Variants in MDM4 observed in about 807,000 individuals in gnomAD.
MDM4 encodes the protein protein Mdm4.
Under a neutral mutation model 60.2 loss-of-function variants are expected in MDM4, and 2 were observed. The ratio of observed to expected loss-of-function variants is 0.03; its 90% confidence interval spans 0.01 to 0.10. The LOEUF is 0.10. Among genes scored for constraint, MDM4 ranks in the 10% least tolerant of loss-of-function variants. The pLI is 1.00. For synonymous variants in MDM4, 202 were observed against 198.1 expected, an observed-to-expected ratio of 1.02 and a Z score of -0.17; for missense variants, 447 against 577.5, an observed-to-expected ratio of 0.77 and a Z score of 2.32.
intron 6 of MDM4, chr1:204,537,803 G>A (rs896991067): frequency 3.2e-6 from 2 of 615,768 alleles, no homozygotes; most frequent in Non-Finnish European, 6.1e-6. Flanking sequence ...GATTTTAATA[G>A]GCGTGTTGCA....
intron 3 of MDM4, among the ~76,000 whole-genome samples, chr1:204,529,913 G>C (rs1455028303): frequency 1.3e-5 from 2 of 152,132 alleles, no homozygotes; most frequent in East Asian, 3.8e-4. Context: ...GTCTTACTCT[G>C]TCACCCATGC....
intron 7 of MDM4, among the ~76,000 whole-genome samples, chr1:204,540,207 C>T (rs1426685441): frequency 1.3e-5 from 2 of 151,654 alleles, no homozygotes; most frequent in Admixed American, 1.3e-4. Flanking sequence ...ATTGCGTGAA[C>T]CCAGGAGGTG....
intron 10 of MDM4, among the ~76,000 whole-genome samples, chr1:204,548,318 C>G (rs997737281): frequency 6.6e-6 from 1 of 152,186 alleles, no homozygotes; most frequent in East Asian, 1.9e-4. Flanking sequence ...ATGGTTGTGC[C>G]CTTGCCTCAG....
At chr1:204,517,339 C>T (rs1659088660) in intron 1 of MDM4, among the ~76,000 whole-genome samples, 2 of 152,002 alleles carry the variant, frequency 1.3e-5, no homozygotes, top group African/African-American at 4.8e-5. Context: ...AATGAGCACA[C>T]CTCCCAGTGA....
intron 8 of MDM4, among the ~76,000 whole-genome samples, chr1:204,543,370 G>A (rs1210354810): frequency 1.3e-5 from 2 of 152,152 alleles, no homozygotes; most frequent in African/African-American, 2.4e-5. Flanking sequence ...GCGTGGTGGC[G>A]TGCGCCTGTT....
rs1456057367 is a variant in MDM4, at chr1:204,538,314, T to C, written c.511+6T>C. 1 of 1,487,448 alleles carries C rather than the reference T, an allele frequency of 6.7e-7. No homozygotes were observed. Among genetic ancestry groups the C allele is most frequent in the Non-Finnish European group, 9.4e-7 (1 of 1,065,580 alleles). 92.1% of individuals were successfully genotyped at this position (1,487,448 alleles called of 1,614,324 possible). On this transcript the variant is annotated splice_donor_region_variant and intron_variant, in intron 7 of 10. Coordinates refer to ENST00000367182, the MANE Select transcript of MDM4 (RefSeq NM_002393.5). ...ATGCATACATTCTAGAGAAGGTATGTTTTGGATTAAGGCTATATAGACTTT... is the reference window on the plus strand; with the variant it reads ...ATGCATACATTCTAGAGAAGGTATGCTTTGGATTAAGGCTATATAGACTTT...
chr1:204,523,472 A>AATT (rs1659779763), intron 1 of MDM4, among the ~76,000 whole-genome samples: 2 of 89,064 alleles, frequency 2.2e-5, no homozygotes, highest in Non-Finnish European at 2.5e-5. Context: ...ACCTAAAAAA[A>AATT]ATTTTTTTTT....
intron 1 of MDM4, among the ~76,000 whole-genome samples, chr1:204,518,593 G>A (rs1050160018): frequency 3.9e-5 from 6 of 152,198 alleles, no homozygotes; most frequent in African/African-American, 1.2e-4. Flanking sequence ...TATATGGTGT[G>A]TGAATGACCC....
chr1:204,539,236 T>G (rs1661764228), intron 7 of MDM4, among the ~76,000 whole-genome samples: 1 of 152,208 alleles, frequency 6.6e-6, no homozygotes. Context: ...TCTACCCGCC[T>G]CAGCCTCCTA....
intron 2 of MDM4, among the ~76,000 whole-genome samples, chr1:204,525,940 C>T (rs1660088305): frequency 6.6e-6 from 1 of 151,684 alleles, no homozygotes; most frequent in African/African-American, 2.4e-5. Context: ...GACCTTGTCT[C>T]TTTTTTAAAA....
chr1:204,544,448 C>A, intron 8 of MDM4, 87 bp from the exon 9 acceptor site: 1 of 1,306,908 alleles, frequency 7.7e-7, no homozygotes, highest in Non-Finnish European at 1.1e-6. Context: ...AGTGTGACGA[C>A]ATTGAGTTTT....
At chr1:204,547,436 C>G (rs4252732) in intron 10 of MDM4, among the ~76,000 whole-genome samples, 1 of 152,156 alleles carries the variant, frequency 6.6e-6, no homozygotes, top group African/African-American at 2.4e-5. Context: ...GTATACCTTG[C>G]TTTTTTGTTG....
chr1:204,555,388 C>T lies in MDM4; in HGVS notation c.*5706C>T, dbSNP rs1205125613. On this transcript the variant is annotated 3_prime_UTR_variant, in exon 11 of 11. Transcript: ENST00000367182. ...CAGGATGGTCTTGATCTCCTGACCT[C>T]GTGATCTGCCCACCTCAGCCTCCCA... is the stretch of plus-strand genomic sequence containing the variant. 3 of 157,220 alleles carry T rather than the reference C, an allele frequency of 1.9e-5. No homozygotes were observed. The highest frequency in any genetic ancestry group is 3.0e-3 in the Middle Eastern group (1 of 328). 9.7% of individuals were successfully genotyped at this position (157,220 alleles called of 1,614,324 possible).
chr1:204,549,102 T>G lies in MDM4; in HGVS notation c.904-11T>G, dbSNP rs368005917. On this transcript the variant is annotated splice_polypyrimidine_tract_variant and intron_variant, in intron 10 of 10. Transcript: ENST00000367182. ...CCCCTGAGTATTAATTGGCTTCACT[T>G]GTCTTTGTAGGATGAGTGGCAGTGT... 6.4e-7 allele frequency: 1 copy of G among 1,552,654 alleles called. No individual in the cohort carries two copies. The highest frequency in any genetic ancestry group is 8.8e-7 in the Non-Finnish European group (1 of 1,138,332).
intron 5 of MDM4, among the ~76,000 whole-genome samples, chr1:204,535,097 T>G (rs1661261168): frequency 6.6e-6 from 1 of 152,102 alleles, no homozygotes; most frequent in Non-Finnish European, 1.5e-5. Flanking sequence ...TTTATACCTT[T>G]GCAAATGGGT....
In MDM4 at chr1:204,554,677, T is replaced by G. The variant is rs772832508; in HGVS notation, c.*4995T>G. On this transcript the variant is annotated 3_prime_UTR_variant, in exon 11 of 11. Coordinates refer to ENST00000367182, the MANE Select transcript of MDM4 (RefSeq NM_002393.5). ...CCCTAAGGCTAAACAAAATAATCAG[T>G]ATCTGAGATAGTGGCTAATGTGGCT... 6 of 227,464 alleles carry G rather than the reference T, an allele frequency of 2.6e-5. No individual in the cohort carries two copies. The highest frequency in any genetic ancestry group is 4.4e-5 in the Non-Finnish European group (5 of 114,582). The allele number at this position is 227,464 out of a possible 1,614,324, so 14.1% of individuals were successfully genotyped here.
intron 3 of MDM4, among the ~76,000 whole-genome samples, chr1:204,527,935 C>T (rs1660387437): frequency 6.6e-6 from 1 of 151,694 alleles, no homozygotes; most frequent in South Asian, 2.1e-4. Context: ...TTACACTTCT[C>T]AAGGAGACAA....
At chr1:204,524,823 G>GT (rs760984283) in intron 1 of MDM4, among the ~76,000 whole-genome samples, 3 of 152,116 alleles carry the variant, frequency 2.0e-5, no homozygotes, top group Non-Finnish European at 4.4e-5. Context: ...TGTAGCTTTT[G>GT]TTTTTTTAAG....
chr1:204,520,167 C>T (rs1016115777), intron 1 of MDM4, among the ~76,000 whole-genome samples: 5 of 151,218 alleles, frequency 3.3e-5, no homozygotes, highest in East Asian at 2.0e-4. Flanking sequence ...GTCCCAGCTA[C>T]GCGGGAGGCT....
Sources: gnomAD v4.1 joint callset for allele counts (sites outside exome capture counted in the v4.1 genomes callset) on GRCh38, gnomAD v4.1.1 for gene constraint, MANE v1.5 for transcripts, NCBI Gene and HGNC (gene_info 2026-07-23, HGNC 2026-07-21) for gene names.